SFMBT2: variants seen among roughly 807,000 people sequenced by gnomAD.
SFMBT2 encodes scm-like with four MBT domains protein 2.
A neutral mutation model predicts 110.1 loss-of-function variants in SFMBT2; 38 were observed. That is an observed-to-expected ratio of 0.35 (90% confidence interval 0.27 to 0.45). SFMBT2 has a LOEUF of 0.45. SFMBT2 is among the 20% of genes least tolerant of loss of function. The pLI is 1.00. For missense variants in SFMBT2, 1,011 were observed against 1,094.9 expected, an observed-to-expected ratio of 0.92 and a Z score of 1.08; for synonymous variants, 425 against 425.4, an observed-to-expected ratio of 1.00 and a Z score of 0.01.
At chr10:7,392,850 T>A (rs541940836) in intron 1 of SFMBT2, among the ~76,000 whole-genome samples, 38 of 151,508 alleles carry the variant, frequency 2.5e-4, no homozygotes, top group African/African-American at 8.9e-4. Context: ...TGTTTTAACA[T>A]ACAGGGAATT....
rs112237517 is a variant in SFMBT2, at chr10:7,197,988, T to C, written c.1559-301A>G. On this transcript the variant is annotated intron_variant, in intron 14 of 20. Coordinates refer to ENST00000397167, the MANE Select transcript of SFMBT2 (RefSeq NM_001387889.1). ...TTGAGAAAGAGGCGCTGTGTCCTAA[T>C]AGCAGGACATTTTATATCCTTAATG... is the stretch of plus-strand genomic sequence containing the variant. The C allele has an allele frequency of 6.1e-4, 599 of 985,354 alleles. 4 individuals are homozygous for C. The African/African-American group carries it at 9.7e-3, about 16-fold the overall frequency. The allele number at this position is 985,354 out of a possible 1,614,324, so 61.0% of individuals were successfully genotyped here.
chr10:7,187,789 G>A (rs991994348), intron 16 of SFMBT2, among the ~76,000 whole-genome samples: 1 of 152,104 alleles, frequency 6.6e-6, no homozygotes, highest in Non-Finnish European at 1.5e-5. Flanking sequence ...CTCTAAAGGA[G>A]GCTTAGATAT....
intron 7 of SFMBT2, among the ~76,000 whole-genome samples, chr10:7,260,141 T>A (rs1316624530): frequency 6.6e-6 from 1 of 152,160 alleles, no homozygotes; most frequent in Admixed American, 6.5e-5. Flanking sequence ...GGGTTCTCTG[T>A]TTGCAAGGAG....
chr10:7,315,834 A>C (rs1842995185), intron 4 of SFMBT2, among the ~76,000 whole-genome samples: 1 of 152,200 alleles, frequency 6.6e-6, no homozygotes, highest in African/African-American at 2.4e-5. Flanking sequence ...AACAGTCCCC[A>C]CCTCACAGGC....
At chr10:7,187,135 C>T (rs531297141) in intron 16 of SFMBT2, among the ~76,000 whole-genome samples, 3 of 152,252 alleles carry the variant, frequency 2.0e-5, no homozygotes, top group East Asian at 3.9e-4. Context: ...GGAGCGGGAG[C>T]GAGTTTCTGG....
intron 14 of SFMBT2, among the ~76,000 whole-genome samples, chr10:7,199,135 T>G (rs1175957670): frequency 1.3e-5 from 2 of 151,936 alleles, no homozygotes; most frequent in Admixed American, 6.5e-5. Flanking sequence ...TGCACCACCA[T>G]GCCCGGCTAA....
At chr10:7,261,221 A>G (rs1841189823) in intron 7 of SFMBT2, among the ~76,000 whole-genome samples, 4 of 152,212 alleles carry the variant, frequency 2.6e-5, no homozygotes, top group Admixed American at 2.0e-4. Flanking sequence ...ACACTTTCCA[A>G]TGAAGAATGG....
intron 1 of SFMBT2, among the ~76,000 whole-genome samples, chr10:7,403,476 C>G (rs976920127): frequency 4.6e-5 from 7 of 151,980 alleles, no homozygotes; most frequent in Non-Finnish European, 1.0e-4. Context: ...AACCCCATCT[C>G]CACTAAAAAC....
rs1373381171 is a variant in SFMBT2, at chr10:7,367,291, C to G, written c.436+358G>C. On this transcript the variant is annotated intron_variant, in intron 4 of 20. Transcript: ENST00000397167. The surrounding 1 kb of genome is among the most constrained non-coding windows in gnomAD (Gnocchi z 6.2). The stretch of plus-strand genomic sequence containing the variant: ...ACCTCAACTCCTGATGTCCTTTCAG[C>G]CTTCCTTTCTTACCCTCCAATTCCT... Among the ~76,000 whole-genome samples the G allele has an allele frequency of 2.8e-5, 2 of 72,192 alleles. No homozygotes were observed. The highest frequency in any genetic ancestry group is 1.3e-4 in the Admixed American group (1 of 7,494). 47.4% of individuals were successfully genotyped at this position (72,192 alleles called of 152,430 possible). A position where few individuals can be genotyped will look rare whatever the true frequency, so the allele number is the denominator to read the frequency against.
intron 8 of SFMBT2, among the ~76,000 whole-genome samples, chr10:7,244,497 G>C (rs1201616115): frequency 1.3e-5 from 2 of 152,168 alleles, no homozygotes; most frequent in Non-Finnish European, 2.9e-5. Flanking sequence ...CATAGAAAGT[G>C]CTTTGTACAT....
chr10:7,228,733 TTCCTTTC>T (rs1564395355), intron 9 of SFMBT2, among the ~76,000 whole-genome samples: 231 of 70,492 alleles, frequency 3.3e-3, no homozygotes, highest in East Asian at 0.011. Flanking sequence ...CTTTCTTTCT[TTCCTTTC>T]TCTCTCTCTC....
At chr10:7,197,506 A>G in intron 15 of SFMBT2, 42 bp downstream of exon 15, 1 of 1,595,244 alleles carries the variant, frequency 6.3e-7, no homozygotes, top group Non-Finnish European at 8.6e-7. Context: ...TTTTTAAAAA[A>G]TCCTGTTAAA....
chr10:7,214,067 A>T (rs940983603), intron 11 of SFMBT2, among the ~76,000 whole-genome samples: 1 of 64,720 alleles, frequency 1.5e-5, no homozygotes, highest in African/African-American at 5.0e-5. Flanking sequence ...AGGAGCAACC[A>T]GGAAAGGAGT....
At chr10:7,200,145 C>T (rs1194113571) in intron 14 of SFMBT2, among the ~76,000 whole-genome samples, 12 of 152,196 alleles carry the variant, frequency 7.9e-5, no homozygotes, top group Non-Finnish European at 5.9e-5. Flanking sequence ...AATTTGGCTC[C>T]TAATTTGCAA....
At chr10:7,203,120 T>C (rs2131606497) in intron 12 of SFMBT2, 2 of 984,912 alleles carry the variant, frequency 2.0e-6, no homozygotes, top group Admixed American at 1.2e-4. Flanking sequence ...GCTTTTGGCA[T>C]CTACTAACTT....
intron 4 of SFMBT2, among the ~76,000 whole-genome samples, chr10:7,349,020 G>T (rs891398817): frequency 6.6e-6 from 1 of 152,030 alleles, no homozygotes; most frequent in African/African-American, 2.4e-5. Context: ...GGTCAAGGAT[G>T]GTCACCCACC....
intron 7 of SFMBT2, among the ~76,000 whole-genome samples, chr10:7,254,695 G>C (rs1201896060): frequency 3.3e-5 from 5 of 152,080 alleles, no homozygotes; most frequent in Admixed American, 3.3e-4. Flanking sequence ...GGGCATGGTG[G>C]TGCACACCTG....
At chr10:7,248,513 G>A in intron 8 of SFMBT2, 35 bp downstream of exon 8, 2 of 1,565,224 alleles carry the variant, frequency 1.3e-6, no homozygotes, top group Non-Finnish European at 1.8e-6. Flanking sequence ...ATCCACTCTA[G>A]GGGCTGGGTC....
chr10:7,330,759 G>A (rs1843540304), intron 4 of SFMBT2, among the ~76,000 whole-genome samples: 1 of 152,068 alleles, frequency 6.6e-6, no homozygotes, highest in South Asian at 2.1e-4. Flanking sequence ...CAAGTCAGAT[G>A]TGGTTCTTTA....
Sources: gnomAD v4.1 joint callset for allele counts (sites outside exome capture counted in the v4.1 genomes callset) on GRCh38, gnomAD v4.1.1 for gene constraint, Gnocchi (gnomAD v3.1) non-coding constraint, MANE v1.5 for transcripts, NCBI Gene and HGNC (gene_info 2026-07-23, HGNC 2026-07-21) for gene names.